The following SCAPER variants were observed in gnomAD, a reference collection of about 807,000 sequenced individuals.
SCAPER encodes S-phase cyclin A associated protein in the ER, also known as S phase cyclin A-associated protein in the endoplasmic reticulum.
A neutral mutation model predicts 182.2 loss-of-function variants in SCAPER; 98 were observed. The observed-to-expected ratio is 0.54, with a 90% confidence interval of 0.46 to 0.64. The LOEUF is 0.64. Ranked by LOEUF, SCAPER falls within the 30% of genes least tolerant of loss-of-function variation. The pLI, the probability that SCAPER is intolerant of heterozygous loss-of-function variation, is 0.00. For missense variants in SCAPER, 1,432 were observed against 1,690.0 expected, an observed-to-expected ratio of 0.85 and a Z score of 2.68; for synonymous variants, 605 against 564.6, an observed-to-expected ratio of 1.07 and a Z score of -1.01.
intron 15 of SCAPER, among the ~76,000 whole-genome samples, chr15:76,751,850 C>T (rs1257613442): frequency 6.6e-6 from 1 of 151,598 alleles, no homozygotes; most frequent in Non-Finnish European, 1.5e-5. Flanking sequence ...ACCAAAGTCA[C>T]AGGCAACAAA....
intron 23 of SCAPER, among the ~76,000 whole-genome samples, chr15:76,560,813 A>T (rs948622218): frequency 2.6e-5 from 4 of 152,210 alleles, no homozygotes; most frequent in African/African-American, 9.7e-5. Context: ...CTAGCACTAG[A>T]AAGAAATACC....
intron 21 of SCAPER, among the ~76,000 whole-genome samples, chr15:76,638,861 C>T (rs1463091743): frequency 6.6e-6 from 1 of 152,140 alleles, no homozygotes; most frequent in Non-Finnish European, 1.5e-5. Context: ...GTGATAAGCA[C>T]TTTACATGAA....
intron 24 of SCAPER, among the ~76,000 whole-genome samples, chr15:76,479,795 C>T (rs2050955443): frequency 6.6e-6 from 1 of 152,156 alleles, no homozygotes; most frequent in Non-Finnish European, 1.5e-5. Flanking sequence ...ACACTGTTCA[C>T]CAAAATCCAT....
intron 24 of SCAPER, chr15:76,472,225 C>A (rs985683730): frequency 2.1e-5 from 11 of 535,282 alleles, no homozygotes; most frequent in African/African-American, 1.2e-4. Flanking sequence ...CCTAAAAAGT[C>A]CCCTGCAAAG....
chr15:76,585,332 A>T (rs1053669965), intron 22 of SCAPER, among the ~76,000 whole-genome samples: 2 of 149,202 alleles, frequency 1.3e-5, no homozygotes, highest in African/African-American at 4.9e-5. Flanking sequence ...TATTAAAAAT[A>T]AAAAAAAAAG....
intron 29 of SCAPER, among the ~76,000 whole-genome samples, chr15:76,370,312 T>TTTTTG (rs773149621): frequency 2.4e-5 from 2 of 83,596 alleles, no homozygotes; most frequent in Admixed American, 1.4e-4. Flanking sequence ...TTTTTTTTTT[T>TTTTTG]TTTTGTTTTA....
chr15:76,649,875 G>T (rs1451023653), intron 21 of SCAPER, among the ~76,000 whole-genome samples: 1 of 152,038 alleles, frequency 6.6e-6, no homozygotes, highest in Non-Finnish European at 1.5e-5. Context: ...ATTAAAGGAA[G>T]TTATTCAGAT....
At chr15:76,795,462 T>C in intron 7 of SCAPER, 22 bp from the exon 8 acceptor site, 1 of 1,453,878 alleles carries the variant, frequency 6.9e-7, no homozygotes, top group Non-Finnish European at 9.1e-7. Context: ...AATAAACACA[T>C]TTAATAAATT....
Position 76,812,497 on chromosome 15 carries a change from A to AAAAAGAAAG in SCAPER, c.394-7865_394-7864insCTTTCTTTT, listed in dbSNP as rs61243906. Among the ~76,000 whole-genome samples the AAAAAGAAAG allele has an allele frequency of 9.0e-5, 11 of 122,480 alleles. No individual in the cohort carries two copies. The South Asian group carries it at 1.4e-3, about 15-fold the overall frequency. The allele number at this position is 122,480 out of a possible 152,430, so 80.4% of individuals were successfully genotyped here. A position where few individuals can be genotyped will look rare whatever the true frequency, so the allele number is the denominator to read the frequency against. ...AGTGAGACTCTGAAAAAAAAAAAAA[A>AAAAAGAAAG]AAAGAAAGAAAGAAAGAAAGACAGA... is the stretch of plus-strand genomic sequence containing the variant. On this transcript the variant is annotated intron_variant, in intron 5 of 31. Coordinates refer to ENST00000563290, the MANE Select transcript of SCAPER (RefSeq NM_020843.4).
chr15:76,785,827 G>A (rs761830750), intron 8 of SCAPER, among the ~76,000 whole-genome samples: 12 of 152,214 alleles, frequency 7.9e-5, no homozygotes, highest in South Asian at 2.1e-4. Flanking sequence ...ACTGAACAAC[G>A]CGAACACCTG....
chr15:76,582,266 A>G (rs2048325055), intron 22 of SCAPER, among the ~76,000 whole-genome samples: 1 of 152,240 alleles, frequency 6.6e-6, no homozygotes, highest in Non-Finnish European at 1.5e-5. Context: ...AAACTGTAGG[A>G]TATAAAATCA....
At chr15:76,575,613 T>G (rs1343825659) in intron 22 of SCAPER, among the ~76,000 whole-genome samples, 2 of 152,220 alleles carry the variant, frequency 1.3e-5, no homozygotes, top group African/African-American at 4.8e-5. Flanking sequence ...TCTCTCTTCT[T>G]CCTGTCTCAG....
intron 26 of SCAPER, among the ~76,000 whole-genome samples, chr15:76,425,898 G>A (rs544096739): frequency 1.3e-5 from 2 of 152,282 alleles, no homozygotes; most frequent in South Asian, 4.1e-4. Flanking sequence ...TGTTTGCCTG[G>A]GTATCAGCAG....
intron 22 of SCAPER, among the ~76,000 whole-genome samples, chr15:76,615,127 T>C (rs1343517330): frequency 6.6e-6 from 1 of 152,112 alleles, no homozygotes; most frequent in African/African-American, 2.4e-5. Flanking sequence ...AATCTCTCGT[T>C]GAAGAAAAGC....
At chr15:76,417,764 A>G (rs1567095015) in intron 26 of SCAPER, among the ~76,000 whole-genome samples, 2 of 152,226 alleles carry the variant, frequency 1.3e-5, no homozygotes, top group Non-Finnish European at 2.9e-5. Context: ...TCATGCCTGT[A>G]ATCCCACAAC....
At chr15:76,600,616 A>ATTT (rs2049870731) in intron 22 of SCAPER, among the ~76,000 whole-genome samples, 1 of 117,598 alleles carries the variant, frequency 8.5e-6, no homozygotes, top group South Asian at 2.7e-4. Flanking sequence ...TGCCTGGCTA[A>ATTT]TTTTTGTATT....
At chr15:76,891,232 T>C (rs1476205874) in intron 1 of SCAPER, among the ~76,000 whole-genome samples, 2 of 152,286 alleles carry the variant, frequency 1.3e-5, no homozygotes, top group Middle Eastern at 3.4e-3. Flanking sequence ...GGGCAAAAAC[T>C]GGAAGCACTC....
chr15:76,709,504 G>A (rs62028180), intron 17 of SCAPER, among the ~76,000 whole-genome samples: 11,771 of 152,152 alleles, frequency 0.077, 516 homozygotes, highest in Middle Eastern at 0.11. Flanking sequence ...AATTATCAAA[G>A]CTGACTCCAG....
At position 76,349,579 on chromosome 15, in the gene SCAPER, A is replaced by G. The variant is rs184269637; in HGVS notation, c.4100-843T>C. 385 of 152,208 alleles carry G rather than the reference A, an allele frequency of 2.5e-3. 1 individual carries two copies. The highest frequency in any genetic ancestry group is 8.9e-3 in the African/African-American group (370 of 41,520). The allele number at this position is 152,208 out of a possible 1,614,324, so 9.4% of individuals were successfully genotyped here. On this transcript the variant is annotated intron_variant, in intron 31 of 31. Transcript: ENST00000563290. ...TGGACAATGAACTCAAAATATCTTGAGACATTTTATGAGGACTTAATCTAG... is the reference window on the plus strand; with the variant it reads ...TGGACAATGAACTCAAAATATCTTGGGACATTTTATGAGGACTTAATCTAG...
Sources: allele counts gnomAD v4.1 joint callset (sites outside exome capture counted in the v4.1 genomes callset), GRCh38; gene constraint gnomAD v4.1.1; transcripts MANE v1.5; gene names NCBI Gene and HGNC (gene_info 2026-07-23, HGNC 2026-07-21).